The following GNL1 variants were observed in gnomAD, a reference collection of about 807,000 sequenced individuals.
GNL1 encodes guanine nucleotide-binding protein-like 1.
GNL1 carries 21 observed loss-of-function variants against 75.2 expected under a neutral mutation model. The ratio of observed to expected loss-of-function variants is 0.28; its 90% CI spans 0.20 to 0.40. The LOEUF (loss-of-function observed/expected upper bound fraction) is 0.40. Ranked by LOEUF, GNL1 falls within the 10% of genes least tolerant of loss-of-function variation. The pLI, the probability that GNL1 is intolerant of heterozygous loss-of-function variation, is 1.00. For synonymous variants in GNL1, 287 were observed against 303.4 expected (o/e 0.95, Z 0.56); for missense variants, 579 against 775.0 (o/e 0.75, Z 3.00).
Position 30,545,952 on chromosome 6 carries a change from TG to T in GNL1, c.*119del. ...ACAGCCGCTCTCACCTCAGTTCATCTGGGGAAGGGGCTACAAAGCAAACAAT... is the reference window on the plus strand; with the variant it reads ...ACAGCCGCTCTCACCTCAGTTCATCTGGGAAGGGGCTACAAAGCAAACAAT... On this transcript the variant is annotated 3_prime_UTR_variant, in exon 12 of 12. Coordinates refer to ENST00000376621, the MANE Select transcript of GNL1 (RefSeq NM_005275.5). The T allele has an allele frequency of 1.4e-6, 1 of 733,986 alleles. No individual in the cohort carries two copies. Among genetic ancestry groups the T allele is most frequent in the South Asian group, 1.7e-5 (1 of 58,046 alleles). The allele number at this position is 733,986 out of a possible 1,614,324, so 45.5% of individuals were successfully genotyped here.
chr6:30,555,449 G>T lies in GNL1; in HGVS notation c.239+106C>A. The stretch of plus-strand genomic sequence containing the variant: ...AGCCGAGTGGCTAGCGGAGAACTGT[G>T]GCATCCCAGGCCCACCGTCTTCACC... On this transcript the variant is annotated intron_variant, in intron 2 of 11. Coordinates refer to ENST00000376621, the MANE Select transcript of GNL1 (RefSeq NM_005275.5). The surrounding 1 kb of genome is among the most constrained non-coding windows in gnomAD (Gnocchi z 4.3). 1.7e-6 allele frequency: 2 copies of T among 1,155,322 alleles called. No individual in the cohort carries two copies. The highest frequency in any genetic ancestry group is 2.5e-6 in the Non-Finnish European group (2 of 803,576). 71.6% of individuals were successfully genotyped at this position (1,155,322 alleles called of 1,614,324 possible). A position where few individuals can be genotyped will look rare whatever the true frequency, so the allele number is the denominator to read the frequency against.
rs1253902627 is a variant in GNL1, at chr6:30,556,247, C to A, written c.-44G>T. The A allele has an allele frequency of 6.3e-7, 1 of 1,595,168 alleles. No homozygotes were observed. Among genetic ancestry groups the A allele is most frequent in the East Asian group, 2.2e-5 (1 of 44,626 alleles). On this transcript the variant is annotated 5_prime_UTR_variant, in exon 1 of 12. Coordinates refer to ENST00000376621, the MANE Select transcript of GNL1 (RefSeq NM_005275.5). This position sits in a 1 kb window ranked among gnomAD's most constrained non-coding sequence, Gnocchi z 5.7. Reference sequence around the variant, plus strand: ...GGCCCGCCCTCCGCCGAGCTCCCGCCGCCTCAACTGACTGCCCCCCGGGGC... The same window carrying A: ...GGCCCGCCCTCCGCCGAGCTCCCGCAGCCTCAACTGACTGCCCCCCGGGGC...
chr6:30,554,440 C>T (rs1006926003), intron 5 of GNL1, 135 bp downstream of exon 5: 23 of 705,502 alleles, frequency 3.3e-5, no homozygotes, highest in Non-Finnish European at 4.6e-5. Context: ...TTCCTAACTG[C>T]GGACATCAGC....
chr6:30,546,812 T>C lies in GNL1; in HGVS notation c.1466A>G (p.Lys489Arg). 1.3e-6 allele frequency: 2 copies of C among 1,592,036 alleles called. No homozygotes were observed. ...ATCATTCCGAGCCGCCTTGGCTGTC[T>C]TGTAACCACGTTTCTCTGCCCAGGC... is the stretch of plus-strand genomic sequence containing the variant. ...CEAWAEKRGY[K>R]TAKAARNDVY... The change falls in exon 11 of 12, where the codon AAG becomes AGG. Residue 489 changes from lysine (K) to arginine (R), a missense_variant. Physicochemically the swap from Lys to Arg is conservative, Grantham distance 26 (BLOSUM62 2). Transcript: ENST00000376621. This position sits in a 1 kb window ranked among gnomAD's most constrained non-coding sequence, Gnocchi z 5.1.
chr6:30,554,407 C>A (rs1288750897), intron 5 of GNL1, among the ~76,000 whole-genome samples, 168 bp downstream of exon 5: 1 of 152,080 alleles, frequency 6.6e-6, no homozygotes, highest in Non-Finnish European at 1.5e-5. Context: ...GAATGACAGG[C>A]TATAAGAGAA....
In GNL1 at chr6:30,547,230, G is replaced by A; in HGVS notation, c.1323C>T (p.Tyr441=). The A allele has an allele frequency of 1.2e-6, 2 of 1,611,608 alleles. No individual in the cohort carries two copies. Among genetic ancestry groups the A allele is most frequent in the South Asian group, 1.1e-5 (1 of 90,938 alleles). ...GGGAGGCCAGGTAGCCCACAGCAGT[G>A]TAGGGCTCCTGGATCTGGGCGATAG... ...IYPIAQIQEP[Y]TAVGYLASRI... is the part of the protein sequence containing the mutation. Residue 441 remains tyrosine, a synonymous_variant, in exon 10 of 12, where the codon TAC becomes TAT. Coordinates refer to ENST00000376621, the MANE Select transcript of GNL1 (RefSeq NM_005275.5). This position sits in a 1 kb window ranked among gnomAD's most constrained non-coding sequence, Gnocchi z 5.5.
chr6:30,550,353 C>G (rs1424619111), intron 8 of GNL1, among the ~76,000 whole-genome samples: 2 of 152,156 alleles, frequency 1.3e-5, no homozygotes, highest in African/African-American at 4.8e-5. Flanking sequence ...GTCTTCCCAT[C>G]TCAGTATTTC....
chr6:30,553,331 T>G lies in GNL1; in HGVS notation c.808+19A>C. Reference sequence around the variant, plus strand: ...CCAACTCACCTCTCCCAAGTTGCCCTCTCTCATTGCCCACTCACCACTACT... The same window carrying G: ...CCAACTCACCTCTCCCAAGTTGCCCGCTCTCATTGCCCACTCACCACTACT... On this transcript the variant is annotated intron_variant, in intron 6 of 11. Coordinates refer to ENST00000376621, the MANE Select transcript of GNL1 (RefSeq NM_005275.5). 6.3e-7 allele frequency: 1 copy of G among 1,598,588 alleles called. No homozygotes were observed. Among genetic ancestry groups the G allele is most frequent in the East Asian group, 2.2e-5 (1 of 44,810 alleles).
chr6:30,552,750 T>C lies in GNL1; in HGVS notation c.905-89A>G. 1 of 1,189,396 alleles carries C rather than the reference T, an allele frequency of 8.4e-7. No homozygotes were observed. Among genetic ancestry groups the C allele is most frequent in the East Asian group, 2.4e-5 (1 of 41,046 alleles). 73.7% of individuals were successfully genotyped at this position (1,189,396 alleles called of 1,614,324 possible). Reference sequence around the variant, plus strand: ...CTGTGCCCTGCACAGATTATGTAACTGGCACCCTCTGGAGTTGTACAGTGC... The same window carrying C: ...CTGTGCCCTGCACAGATTATGTAACCGGCACCCTCTGGAGTTGTACAGTGC... On this transcript the variant is annotated intron_variant, in intron 7 of 11. Coordinates refer to ENST00000376621, the MANE Select transcript of GNL1 (RefSeq NM_005275.5). This position sits in a 1 kb window ranked among gnomAD's most constrained non-coding sequence, Gnocchi z 4.5.
rs757361302 is a variant in GNL1, at chr6:30,544,882, T to G, written c.*1190A>C. The G allele has an allele frequency of 3.9e-5, 6 of 152,158 alleles. No homozygotes were observed. Among genetic ancestry groups the G allele is most frequent in the Non-Finnish European group, 5.9e-5 (4 of 68,038 alleles). The allele number at this position is 152,158 out of a possible 1,614,324, so 9.4% of individuals were successfully genotyped here. A position where few individuals can be genotyped will look rare whatever the true frequency, so the allele number is the denominator to read the frequency against. On this transcript the variant is annotated 3_prime_UTR_variant, in exon 12 of 12. Transcript: ENST00000376621. The stretch of plus-strand genomic sequence containing the variant: ...TAGTGGGCAACCTGTCCAACTACAC[T>G]TTTTGCTATCATCCAATACAGACAA...
Position 30,546,394 on chromosome 6 carries a change from G to A in GNL1, c.1583-81C>T. The A allele has an allele frequency of 1.2e-6, 1 of 822,568 alleles. No individual in the cohort carries two copies. The highest frequency in any genetic ancestry group is 2.0e-6 in the Non-Finnish European group (1 of 509,368). The allele number at this position is 822,568 out of a possible 1,614,324, so 51.0% of individuals were successfully genotyped here. ...CAAGGAAAGATGGGGAAGAGGCAAAGACTAGGAATAACAATAATCTTTAGA... is the reference window on the plus strand; with the variant it reads ...CAAGGAAAGATGGGGAAGAGGCAAAAACTAGGAATAACAATAATCTTTAGA... On this transcript the variant is annotated intron_variant, in intron 11 of 11. Coordinates refer to ENST00000376621, the MANE Select transcript of GNL1 (RefSeq NM_005275.5). The surrounding 1 kb of genome is among the most constrained non-coding windows in gnomAD (Gnocchi z 5.1).
Position 30,552,498 on chromosome 6 carries a change from G to T in GNL1, c.1068C>A (p.Tyr356Ter). ...MEPTGPTQERYKDGVVTIGCV... is the reference protein window; with the variant it reads ...MEPTGPTQER ...AGCCGATGGTCACCACCCCATCCTT[G>T]TAGCGCTCTTGGGTTGGGCCAGTTG... The change falls in exon 8 of 12, where the codon TAC (tyrosine) becomes TAA (stop). Residue 356 changes from tyrosine (Y) to a stop codon, truncating the protein, a stop_gained. Coordinates refer to ENST00000376621, the MANE Select transcript of GNL1 (RefSeq NM_005275.5). LOFTEE classifies it high-confidence loss of function. The surrounding 1 kb of genome is among the most constrained non-coding windows in gnomAD (Gnocchi z 4.5). 6.2e-7 allele frequency: 1 copy of T among 1,614,018 alleles called. No individual in the cohort carries two copies. Among genetic ancestry groups the T allele is most frequent in the Non-Finnish European group, 8.5e-7 (1 of 1,179,916 alleles).
rs534416712 is a variant in GNL1 at position 30,546,373 on chromosome 6, G to A, written c.1583-60C>T. ...GTTTTGAGCAAGAACTAAAGCCAAGGAAAGATGGGGAAGAGGCAAAGACTA... is the reference window on the plus strand; with the variant it reads ...GTTTTGAGCAAGAACTAAAGCCAAGAAAAGATGGGGAAGAGGCAAAGACTA... On this transcript the variant is annotated intron_variant, in intron 11 of 11. Transcript: ENST00000376621. This position sits in a 1 kb window ranked among gnomAD's most constrained non-coding sequence, Gnocchi z 5.1. 3.0e-6 allele frequency: 3 copies of A among 1,002,486 alleles called. No homozygotes were observed. Among genetic ancestry groups the A allele is most frequent in the African/African-American group, 3.2e-5 (2 of 61,860 alleles). 62.1% of individuals were successfully genotyped at this position (1,002,486 alleles called of 1,614,324 possible).
rs1800077836 is a variant in GNL1, at chr6:30,555,302, G to T, written c.240-111C>A. On this transcript the variant is annotated intron_variant, in intron 2 of 11. Coordinates refer to ENST00000376621, the MANE Select transcript of GNL1 (RefSeq NM_005275.5). The surrounding 1 kb of genome is among the most constrained non-coding windows in gnomAD (Gnocchi z 4.3). ...AACCATTCTCTCCAGAGTCGTTCAA[G>T]TCTCCTCTCTCAAGTCAGACTTCCC... 3 of 1,326,594 alleles carry T rather than the reference G, an allele frequency of 2.3e-6. No homozygotes were observed. Among genetic ancestry groups the T allele is most frequent in the Non-Finnish European group, 3.2e-6 (3 of 943,142 alleles). The allele number at this position is 1,326,594 out of a possible 1,614,324, so 82.2% of individuals were successfully genotyped here.
rs947954243 is a variant in GNL1 at position 30,556,361 on chromosome 6, C to A, written c.-158G>T. The A allele has an allele frequency of 2.6e-6, 2 of 762,884 alleles. No individual in the cohort carries two copies. The highest frequency in any genetic ancestry group is 2.6e-5 in the Admixed American group (1 of 38,624). 47.3% of individuals were successfully genotyped at this position (762,884 alleles called of 1,614,324 possible). A position where few individuals can be genotyped will look rare whatever the true frequency, so the allele number is the denominator to read the frequency against. On this transcript the variant is annotated 5_prime_UTR_variant, in exon 1 of 12. Transcript: ENST00000376621. This position sits in a 1 kb window ranked among gnomAD's most constrained non-coding sequence, Gnocchi z 5.7. ...GGGCCCGACAGAATTACCGCCGCGG[C>A]GGCGATGGAAGGCGGACGGGGGAGA...
intron 8 of GNL1, among the ~76,000 whole-genome samples, chr6:30,551,756 T>C (rs982971964): frequency 2.0e-5 from 3 of 152,220 alleles, no homozygotes; most frequent in African/African-American, 4.8e-5. Context: ...GCCTGTTACA[T>C]AGTAAGCACC....
In GNL1 at chr6:30,552,127, G is replaced by A; in HGVS notation, c.1099+340C>T. Reference sequence around the variant, plus strand: ...AATCCTCCCACCTCAGCCTCCCAAAGCGCTGGGACTATATAGGCATGAGCC... The same window carrying A: ...AATCCTCCCACCTCAGCCTCCCAAAACGCTGGGACTATATAGGCATGAGCC... On this transcript the variant is annotated intron_variant, in intron 8 of 11. Coordinates refer to ENST00000376621, the MANE Select transcript of GNL1 (RefSeq NM_005275.5). The surrounding 1 kb of genome is among the most constrained non-coding windows in gnomAD (Gnocchi z 4.5). 7.3e-6 allele frequency: 2 copies of A among 272,334 alleles called. No homozygotes were observed. The allele number at this position is 272,334 out of a possible 1,614,324, so 16.9% of individuals were successfully genotyped here. A position where few individuals can be genotyped will look rare whatever the true frequency, so the allele number is the denominator to read the frequency against.
Position 30,546,416 on chromosome 6 carries a change from T to TA in GNL1, c.1583-104dup. ...AAAGACTAGGAATAACAATAATCTT[T>TA]AGAGCTGCTGGCATTCATTCATTCA... On this transcript the variant is annotated intron_variant, in intron 11 of 11. Coordinates refer to ENST00000376621, the MANE Select transcript of GNL1 (RefSeq NM_005275.5). This position sits in a 1 kb window ranked among gnomAD's most constrained non-coding sequence, Gnocchi z 5.1. 1 of 747,454 alleles carries TA rather than the reference T, an allele frequency of 1.3e-6. No individual in the cohort carries two copies. The highest frequency in any genetic ancestry group is 2.7e-5 in the East Asian group (1 of 37,328). The allele number at this position is 747,454 out of a possible 1,614,324, so 46.3% of individuals were successfully genotyped here.
chr6:30,547,494 C>G lies in GNL1; in HGVS notation c.1136G>C (p.Gly379Ala). The part of the protein sequence containing the change: ...PNVGKSSLIN[G>A]LVGRKVVSVS... ...ACTCACGACTTTCCGCCCCACCAGC[C>G]CATTGATCAGCGAGGACTTTCCCAC... The change falls in exon 9 of 12, where the codon GGG becomes GCG. Residue 379 changes from glycine (G) to alanine (A), a missense_variant. By Grantham distance (60) the Gly-to-Ala change is moderately conservative. Coordinates refer to ENST00000376621, the MANE Select transcript of GNL1 (RefSeq NM_005275.5). The surrounding 1 kb of genome is among the most constrained non-coding windows in gnomAD (Gnocchi z 5.5). 1.2e-6 allele frequency: 2 copies of G among 1,612,188 alleles called. No homozygotes were observed. The highest frequency in any genetic ancestry group is 1.7e-6 in the Non-Finnish European group (2 of 1,179,456).
Sources: allele counts gnomAD v4.1 joint callset (sites outside exome capture counted in the v4.1 genomes callset), GRCh38; gene constraint gnomAD v4.1.1; non-coding constraint Gnocchi (gnomAD v3.1); transcripts MANE v1.5; gene names NCBI Gene and HGNC (gene_info 2026-07-23, HGNC 2026-07-21).